Variants in SPATA6 observed in about 807,000 individuals in gnomAD.
The protein encoded by SPATA6 is spermatogenesis associated 6.
Under a neutral mutation model 65.3 loss-of-function variants are expected in SPATA6, and 56 were observed. The observed-to-expected ratio is 0.86, with a 90% CI of 0.69 to 1.07. The LOEUF is 1.07. Ranked by LOEUF, SPATA6 falls within the 50% of genes least tolerant of loss-of-function variation. SPATA6 has a pLI of 0.00. For missense variants in SPATA6, 590 were observed against 594.8 expected, an observed-to-expected ratio of 0.99 and a Z score of 0.08; for synonymous variants, 199 against 213.2, an observed-to-expected ratio of 0.93 and a Z score of 0.58.
intron 3 of SPATA6, among the ~76,000 whole-genome samples, chr1:48,429,593 G>A (rs1015654234): frequency 6.6e-6 from 1 of 151,910 alleles, no homozygotes; most frequent in Non-Finnish European, 1.5e-5. Context: ...ATAATCATAA[G>A]GGATAAAAGA....
At chr1:48,293,421 T>C (rs1644781210), downstream of SPATA6, among the ~76,000 whole-genome samples, 1 of 152,208 alleles carries the variant, frequency 6.6e-6, no homozygotes, top group Non-Finnish European at 1.5e-5. Flanking sequence ...CTGCCGCAGC[T>C]TCTTATCTGG....
the SPATA6 span, among the ~76,000 whole-genome samples, chr1:48,281,507 T>G: frequency 1.3e-5 from 2 of 152,218 alleles, no homozygotes; most frequent in African/African-American, 2.4e-5. Flanking sequence ...AAAATCAATG[T>G]ACAAGAATCA....
intron 9 of SPATA6, among the ~76,000 whole-genome samples, chr1:48,375,351 TA>T (rs1198246989): frequency 1.3e-5 from 2 of 152,282 alleles, no homozygotes; most frequent in East Asian, 3.9e-4. Context: ...GAGGGGAGTC[TA>T]TAAAAGAAAG....
Position 48,333,660 on chromosome 1 carries a change from A to T in SPATA6, c.1194+22010T>A, listed in dbSNP as rs377412406. Among the ~76,000 whole-genome samples the T allele has an allele frequency of 3.9e-5, 6 of 152,276 alleles. No individual in the cohort carries two copies. In the South Asian group the frequency reaches 6.2e-4, roughly 16 times the overall value. On this transcript the variant is annotated intron_variant, in intron 11 of 12. Transcript: ENST00000371847. ...AAAGCTGAGGCAGTGTTAAGAGGGA[A>T]ATTTATAGCATTAAATACCTGCATC...
At chr1:48,422,638 C>A (rs1653453976) in intron 3 of SPATA6, among the ~76,000 whole-genome samples, 1 of 152,174 alleles carries the variant, frequency 6.6e-6, no homozygotes, top group South Asian at 2.1e-4. Flanking sequence ...GTACTACTAG[C>A]AACCTACTAT....
chr1:48,440,546 C>T (rs1380828933), intron 3 of SPATA6, among the ~76,000 whole-genome samples: 1 of 152,132 alleles, frequency 6.6e-6, no homozygotes, highest in Non-Finnish European at 1.5e-5. Context: ...ACGTCGACTC[C>T]GATCATGGGG....
chr1:48,421,505 A>G (rs1653335672), intron 3 of SPATA6, among the ~76,000 whole-genome samples: 1 of 152,166 alleles, frequency 6.6e-6, no homozygotes. Context: ...TTATGGTTAT[A>G]TTGCAAACTA....
intron 5 of SPATA6, among the ~76,000 whole-genome samples, chr1:48,407,811 A>G (rs1651848933): frequency 1.3e-5 from 2 of 152,234 alleles, no homozygotes; most frequent in Non-Finnish European, 2.9e-5. Flanking sequence ...TTGTTTTAAT[A>G]ATCCATCATC....
chr1:48,452,425 C>A (rs576446951), intron 2 of SPATA6, among the ~76,000 whole-genome samples: 2 of 151,168 alleles, frequency 1.3e-5, no homozygotes, highest in Non-Finnish European at 2.9e-5. Context: ...GTTCTGTCAC[C>A]CAGGCTGGAG....
intron 10 of SPATA6, among the ~76,000 whole-genome samples, chr1:48,357,756 C>T (rs1231357102): frequency 6.6e-6 from 1 of 151,734 alleles, no homozygotes; most frequent in African/African-American, 2.4e-5. Context: ...TTTTTTGTTC[C>T]CAGTAGTACG....
intron 9 of SPATA6, among the ~76,000 whole-genome samples, chr1:48,372,757 A>T (rs1390229105): frequency 6.6e-6 from 1 of 152,208 alleles, no homozygotes; most frequent in Non-Finnish European, 1.5e-5. Context: ...GAGGTTCCCA[A>T]ACCTCAATTC....
intron 3 of SPATA6, among the ~76,000 whole-genome samples, chr1:48,424,705 C>T (rs1024822539): frequency 1.3e-5 from 2 of 152,170 alleles, no homozygotes; most frequent in African/African-American, 4.8e-5. Context: ...ACAATAATCA[C>T]ATTGTAGTTT....
intron 11 of SPATA6, among the ~76,000 whole-genome samples, chr1:48,313,312 C>A (rs181464132): frequency 1.8e-3 from 268 of 152,310 alleles, no homozygotes; most frequent in African/African-American, 6.3e-3. Flanking sequence ...GGGTTACCCA[C>A]AAAGGGAGGC....
intron 11 of SPATA6, among the ~76,000 whole-genome samples, chr1:48,352,671 A>C (rs192599655): frequency 8.9e-4 from 135 of 152,132 alleles, no homozygotes; most frequent in Admixed American, 2.6e-3. Flanking sequence ...TGTTTAAAGA[A>C]AGAATGGCTA....
intron 1 of SPATA6, among the ~76,000 whole-genome samples, chr1:48,465,405 C>T (rs746067113): frequency 6.6e-6 from 1 of 152,116 alleles, no homozygotes; most frequent in Admixed American, 6.6e-5. Flanking sequence ...TTTGTTATGA[C>T]AGTCCTAGGA....
rs746660491 is a variant in SPATA6, at chr1:48,296,250, T to TA, written c.*2462dup. ...ATTAGTACTTAAAGGTTTTACTCTTTAAAAACAATACAGCATAAGCACTCA... is the reference window on the plus strand; with the variant it reads ...ATTAGTACTTAAAGGTTTTACTCTTTAAAAAACAATACAGCATAAGCACTCA... On this transcript the variant is annotated 3_prime_UTR_variant, in exon 13 of 13. Coordinates refer to ENST00000371847, the MANE Select transcript of SPATA6 (RefSeq NM_019073.4). The TA allele has an allele frequency of 3.3e-5, 5 of 152,182 alleles. No homozygotes were observed. The highest frequency in any genetic ancestry group is 4.1e-4 in the South Asian group (2 of 4,828). 9.4% of individuals were successfully genotyped at this position (152,182 alleles called of 1,614,324 possible).
intron 8 of SPATA6, among the ~76,000 whole-genome samples, chr1:48,394,592 A>C (rs1410312886): frequency 6.6e-6 from 1 of 152,098 alleles, no homozygotes; most frequent in African/African-American, 2.4e-5. Flanking sequence ...TTAAAAAATA[A>C]GAGATTACAC....
chr1:48,316,832 A>G (rs896140531), intron 11 of SPATA6, among the ~76,000 whole-genome samples: 1 of 152,240 alleles, frequency 6.6e-6, no homozygotes, highest in Non-Finnish European at 1.5e-5. Context: ...AAACAAATTT[A>G]CAAGAAAAAA....
chr1:48,411,326 A>T, intron 5 of SPATA6, 138 bp downstream of exon 5: 1 of 993,766 alleles, frequency 1.0e-6, no homozygotes, highest in Non-Finnish European at 1.4e-6. Context: ...AACAATTAAG[A>T]TTTAAACTAC....
Sources: allele counts gnomAD v4.1 joint callset (sites outside exome capture counted in the v4.1 genomes callset), GRCh38; gene constraint gnomAD v4.1.1; transcripts MANE v1.5; gene names NCBI Gene and HGNC (gene_info 2026-07-23, HGNC 2026-07-21).